DGLUCY: variants seen among roughly 807,000 people sequenced by gnomAD.
DGLUCY encodes the protein D-glutamate cyclase.
DGLUCY carries 58 observed loss-of-function variants against 58.5 expected under a neutral mutation model. That is an observed-to-expected ratio of 0.99 (90% CI 0.80 to 1.23). DGLUCY has a LOEUF of 1.23. DGLUCY is among the 50% of genes most tolerant of loss of function. The probability of loss-of-function intolerance (pLI) is 0.00; values close to 1 mark genes in which losing one functional copy is unlikely to be tolerated. For synonymous variants in DGLUCY, 325 were observed against 314.1 expected (o/e 1.03, Z -0.37); for missense variants, 779 against 784.7 (o/e 0.99, Z 0.09).
intron 1 of DGLUCY, among the ~76,000 whole-genome samples, chr14:91,124,187 A>G (rs1033778280): frequency 6.6e-6 from 1 of 152,100 alleles, no homozygotes; most frequent in Non-Finnish European, 1.5e-5. Context: ...CGGCCTCCCA[A>G]AGTGCTGGGA....
At chr14:91,078,543 C>G (rs1326843500) in intron 1 of DGLUCY, among the ~76,000 whole-genome samples, 2 of 152,176 alleles carry the variant, frequency 1.3e-5, no homozygotes, top group Non-Finnish European at 2.9e-5. Context: ...CATTCACTGT[C>G]TTTCTGTGAA....
At chr14:91,137,688 C>T (rs909331755) in intron 1 of DGLUCY, among the ~76,000 whole-genome samples, 1 of 152,012 alleles carries the variant, frequency 6.6e-6, no homozygotes, top group Non-Finnish European at 1.5e-5. Context: ...AGACACCGTA[C>T]TTGGCCTGAG....
rs778679270 is a variant in DGLUCY at position 91,176,028 on chromosome 14, G to A, written c.702G>A (p.Leu234=). The change falls in exon 7 of 14, where the codon CTG becomes CTA. Residue 234 remains leucine, a synonymous_variant. Coordinates refer to ENST00000256324, the MANE Select transcript of DGLUCY (RefSeq NM_001102368.3). The stretch of plus-strand genomic sequence containing the variant: ...TTCCAGTGTTCTGGCCTTCTCCGCT[G>A]ACCAGTCTCGGAGCTGTCAGCAGCT... ...GEVPVFWPSP[L]TSLGAVSSCE... The A allele has an allele frequency of 4.3e-6, 7 of 1,613,914 alleles. No homozygotes were observed. Among genetic ancestry groups the A allele is most frequent in the Non-Finnish European group, 5.9e-6 (7 of 1,179,938 alleles).
intron 1 of DGLUCY, among the ~76,000 whole-genome samples, chr14:91,122,609 T>TTTTC (rs1178953754): frequency 3.7e-5 from 5 of 133,516 alleles, no homozygotes; most frequent in Non-Finnish European, 7.9e-5. Context: ...AAAGTTTTTT[T>TTTTC]TTTTTTTTTT....
At chr14:91,193,955 T>G (rs963834894) in intron 9 of DGLUCY, among the ~76,000 whole-genome samples, 2 of 152,002 alleles carry the variant, frequency 1.3e-5, no homozygotes, top group African/African-American at 4.8e-5. Flanking sequence ...AGTGGGAACC[T>G]CATCTTGCCC....
At chr14:91,119,564 C>T (rs1216507845) in intron 1 of DGLUCY, among the ~76,000 whole-genome samples, 1 of 152,168 alleles carries the variant, frequency 6.6e-6, no homozygotes, top group Non-Finnish European at 1.5e-5. Context: ...GTTCCACTCA[C>T]TCCCTAAATA....
rs1236523220 is a variant in DGLUCY at position 91,068,115 on chromosome 14, A to ACACACACC, written c.-82+7412_-82+7413insACACACCC. Among the ~76,000 whole-genome samples the ACACACACC allele has an allele frequency of 4.1e-4, 58 of 140,246 alleles. 1 individual carries two copies. Among genetic ancestry groups the ACACACACC allele is most frequent in the Admixed American group, 1.8e-3 (26 of 14,458 alleles). 92.0% of individuals were successfully genotyped at this position (140,246 alleles called of 152,430 possible). A position where few individuals can be genotyped will look rare whatever the true frequency, so the allele number is the denominator to read the frequency against. On this transcript the variant is annotated intron_variant, in intron 1 of 4. Transcript: ENST00000521334. ...CACACACACACACACACACACACACACCCCTTGCATTCACAGAGAGACAGT... is the reference window on the plus strand; with the variant it reads ...CACACACACACACACACACACACACACACACACCCCCCTTGCATTCACAGAGAGACAGT...
intron 1 of DGLUCY, chr14:91,115,073 C>CTA (rs2044833546): frequency 6.6e-6 from 1 of 152,358 alleles, no homozygotes; most frequent in African/African-American, 2.4e-5. Context: ...ATCGAGCTAG[C>CTA]TATAACCCAC....
intron 1 of DGLUCY, among the ~76,000 whole-genome samples, chr14:91,142,444 C>G (rs560353477): frequency 3.4e-4 from 52 of 152,084 alleles, no homozygotes; most frequent in African/African-American, 1.2e-3. Flanking sequence ...CTGGGGTGGA[C>G]CAAATGCTGG....
At chr14:91,205,960 C>T (rs1884626510) in intron 12 of DGLUCY, among the ~76,000 whole-genome samples, 1 of 150,790 alleles carries the variant, frequency 6.6e-6, no homozygotes, top group Non-Finnish European at 1.5e-5. Flanking sequence ...CTGCCTCAGC[C>T]TCCCGAGTAG....
At position 91,170,197 on chromosome 14, in the gene DGLUCY, A is replaced by G. The variant is rs749256203; in HGVS notation, c.452A>G (p.Tyr151Cys). The change falls in exon 5 of 14, where the codon TAC (tyrosine) becomes TGC (cysteine). Residue 151 changes from tyrosine to cysteine, a missense_variant. Tyr to Cys is a radical substitution (Grantham distance 194, BLOSUM62 -2). Coordinates refer to ENST00000256324, the MANE Select transcript of DGLUCY (RefSeq NM_001102368.3). Reference protein sequence around the residue: ...DPAGHSQAGAYKTTVPCVTHA... With the variant: ...DPAGHSQAGACKTTVPCVTHA... ...GCAGGTCACAGCCAGGCGGGTGCATACAAGGTAGGGACACAGCCCACAGCC... is the reference window on the plus strand; with the variant it reads ...GCAGGTCACAGCCAGGCGGGTGCATGCAAGGTAGGGACACAGCCCACAGCC... 6 of 1,613,452 alleles carry G rather than the reference A, an allele frequency of 3.7e-6. No individual in the cohort carries two copies. The East Asian group carries it at 1.3e-4, about 36-fold the overall frequency.
rs201263610 is a variant in DGLUCY, at chr14:91,077,379, AAAGG to A, written c.-82+16689_-82+16692del. Among the ~76,000 whole-genome samples the A allele has an allele frequency of 5.0e-3, 739 of 148,338 alleles. 2 individuals are homozygous for A. Among genetic ancestry groups the A allele is most frequent in the Non-Finnish European group, 8.0e-3 (537 of 66,810 alleles). On this transcript the variant is annotated intron_variant, in intron 1 of 4. Coordinates refer to the DGLUCY transcript ENST00000521334. ...GAAGGAAGGGAGGGAGGAAGGAAGG[AAAGG>A]AAGGAAGGAAGGAGAGAAAGAAAAG...
chr14:91,143,471 A>G (rs936046102), intron 1 of DGLUCY, among the ~76,000 whole-genome samples: 16 of 152,328 alleles, frequency 1.1e-4, no homozygotes, highest in African/African-American at 3.8e-4. Flanking sequence ...ACAAGAGGAC[A>G]AAGCCTTAGG....
At chr14:91,074,885 C>A (rs1258256757) in intron 1 of DGLUCY, among the ~76,000 whole-genome samples, 1 of 152,168 alleles carries the variant, frequency 6.6e-6, no homozygotes, top group Non-Finnish European at 1.5e-5. Flanking sequence ...CCAGCCTGAC[C>A]AACATGGAGA....
rs1422670776 is a variant in DGLUCY, at chr14:91,167,596, A to G, written c.257+218A>G. 3 of 726,136 alleles carry G rather than the reference A, an allele frequency of 4.1e-6. No homozygotes were observed. The East Asian group carries it at 8.0e-5, about 19-fold the overall frequency. The allele number at this position is 726,136 out of a possible 1,614,324, so 45.0% of individuals were successfully genotyped here. A position where few individuals can be genotyped will look rare whatever the true frequency, so the allele number is the denominator to read the frequency against. Reference sequence around the variant, plus strand: ...GCGCCTGTCCTGGCTGAGATCTTTGAGATCATGGAGAAAGTCCAGCCCTGG... The same window carrying G: ...GCGCCTGTCCTGGCTGAGATCTTTGGGATCATGGAGAAAGTCCAGCCCTGG... On this transcript the variant is annotated intron_variant, in intron 4 of 13. Transcript: ENST00000256324.
chr14:91,190,566 T>C (rs2049821161), intron 9 of DGLUCY, among the ~76,000 whole-genome samples: 1 of 151,832 alleles, frequency 6.6e-6, no homozygotes, highest in Non-Finnish European at 1.5e-5. Context: ...TTCAGGTTGA[T>C]GATGAGGGCG....
chr14:91,182,984 A>AT (rs1312441889), intron 8 of DGLUCY, among the ~76,000 whole-genome samples: 2 of 138,174 alleles, frequency 1.4e-5, no homozygotes, highest in Non-Finnish European at 3.2e-5. Context: ...AGTTTAGTTT[A>AT]TTTATTTTAT....
At chr14:91,190,952 G>T (rs1320486692) in intron 9 of DGLUCY, among the ~76,000 whole-genome samples, 1 of 152,142 alleles carries the variant, frequency 6.6e-6, no homozygotes, top group Non-Finnish European at 1.5e-5. Flanking sequence ...TTGGAGTGGG[G>T]GTGCCTCATG....
At chr14:91,196,346 T>C in intron 9 of DGLUCY, 29 bp from the exon 10 acceptor site, 1 of 1,594,880 alleles carries the variant, frequency 6.3e-7, no homozygotes. Flanking sequence ...CTAGAGCTGA[T>C]GTGTGCCCTG....
Sources: allele counts gnomAD v4.1 joint callset (sites outside exome capture counted in the v4.1 genomes callset), GRCh38; gene constraint gnomAD v4.1.1; transcripts MANE v1.5; gene names NCBI Gene and HGNC (gene_info 2026-07-23, HGNC 2026-07-21).